The following CD28 variants were observed in gnomAD, a reference collection of about 807,000 sequenced individuals.
The protein encoded by CD28 is CD28 molecule, also known as T-cell-specific surface glycoprotein CD28.
A neutral mutation model predicts 21.4 loss-of-function variants in CD28; 8 were observed. That is an observed-to-expected ratio of 0.37 (90% CI 0.22 to 0.68). The LOEUF (loss-of-function observed/expected upper bound fraction) is 0.68. Ranked by LOEUF, CD28 falls within the 30% of genes least tolerant of loss-of-function variation. CD28 has a pLI of 0.55. For synonymous variants in CD28, 106 were observed against 104.0 expected (o/e 1.02, Z -0.12); for missense variants, 239 against 272.2 (o/e 0.88, Z 0.86).
intron 2 of CD28, among the ~76,000 whole-genome samples, chr2:203,727,471 C>CTTTTCT (rs1463109241): frequency 2.8e-5 from 3 of 108,484 alleles, no homozygotes; most frequent in African/African-American, 6.3e-5. Flanking sequence ...CCTTCCTTTT[C>CTTTTCT]TTTTCTTTTT....
At position 203,726,671 on chromosome 2, in the gene CD28, G is replaced by A. The variant is rs1386535030; in HGVS notation, c.91G>A (p.Ala31Thr). 1 of 1,613,940 alleles carries A rather than the reference G, an allele frequency of 6.2e-7. No homozygotes were observed. Reference protein sequence around the residue: ...ILVKQSPMLVAYDNAVNLSCK... With the variant: ...ILVKQSPMLVTYDNAVNLSCK... ...GGTGAAGCAGTCGCCCATGCTTGTA[G>A]CGTACGACAATGCGGTCAACCTTAG... The change falls in exon 2 of 4, where the codon GCG becomes ACG. Residue 31 changes from alanine (A) to threonine (T), a missense_variant. Transcript: ENST00000324106.
At chr2:203,707,037 T>C (rs1693176027) in intron 1 of CD28, among the ~76,000 whole-genome samples, 1 of 152,004 alleles carries the variant, frequency 6.6e-6, no homozygotes. Context: ...TGAGATGGGG[T>C]TTCACTATGT....
intron 3 of CD28, 107 bp downstream of exon 3, chr2:203,729,879 A>G: frequency 8.7e-7 from 1 of 1,152,582 alleles, no homozygotes; most frequent in Middle Eastern, 2.1e-4. Context: ...ATATAGGATG[A>G]TGATTTTCTT....
At chr2:203,721,048 A>G (rs188395723) in intron 1 of CD28, among the ~76,000 whole-genome samples, 2 of 152,296 alleles carry the variant, frequency 1.3e-5, no homozygotes, top group Non-Finnish European at 2.9e-5. Context: ...GAGAAACGAG[A>G]TTTTATCAGC....
At position 203,729,884 on chromosome 2, in the gene CD28, T is replaced by C. The variant is rs1469739799; in HGVS notation, c.534+112T>C. Reference sequence around the variant, plus strand: ...TTTCTGTTTAATATAGGATGATGATTTTCTTTTCCCCATGCTTGAGTAGGT... The same window carrying C: ...TTTCTGTTTAATATAGGATGATGATCTTCTTTTCCCCATGCTTGAGTAGGT... On this transcript the variant is annotated intron_variant, in intron 3 of 3. Transcript: ENST00000324106. 30 of 1,109,250 alleles carry C rather than the reference T, an allele frequency of 2.7e-5. No homozygotes were observed. The East Asian group carries it at 5.8e-4, about 22-fold the overall frequency. The allele number at this position is 1,109,250 out of a possible 1,614,324, so 68.7% of individuals were successfully genotyped here. A position where few individuals can be genotyped will look rare whatever the true frequency, so the allele number is the denominator to read the frequency against.
intron 1 of CD28, among the ~76,000 whole-genome samples, chr2:203,707,794 T>C (rs541135496): frequency 6.6e-6 from 1 of 152,300 alleles, no homozygotes; most frequent in South Asian, 2.1e-4. Context: ...CCAGTGCCGG[T>C]GTTGTTGATT....
intron 1 of CD28, among the ~76,000 whole-genome samples, chr2:203,707,998 G>A (rs546750610): frequency 6.6e-6 from 1 of 152,218 alleles, no homozygotes; most frequent in East Asian, 1.9e-4. Context: ...TTCAAAAACT[G>A]GACTGATAGG....
chr2:203,729,547 T>C (rs1693834277), intron 2 of CD28, 101 bp from the exon 3 acceptor site: 3 of 1,231,504 alleles, frequency 2.4e-6, no homozygotes, highest in African/African-American at 3.0e-5. Context: ...ATATGTTTAA[T>C]ATTTTTATTT....
chr2:203,726,934 T>C lies in CD28; in HGVS notation c.354T>C (p.Tyr118=). ...ACTTCTGCAAAATTGAAGTTATGTA[T>C]CCTCCTCCTTACCTAGACAATGAGA... ...DIYFCKIEVM[Y]PPPYLDNEKS... The change falls in exon 2 of 4, where the codon TAT becomes TAC. Residue 118 remains tyrosine (Y), a synonymous_variant. Transcript: ENST00000324106. The C allele has an allele frequency of 1.2e-6, 2 of 1,612,566 alleles. No homozygotes were observed. Among genetic ancestry groups the C allele is most frequent in the Non-Finnish European group, 8.5e-7 (1 of 1,178,560 alleles).
chr2:203,716,955 C>A (rs1487292633), intron 1 of CD28, among the ~76,000 whole-genome samples: 1 of 152,116 alleles, frequency 6.6e-6, no homozygotes, highest in Non-Finnish European at 1.5e-5. Flanking sequence ...CTCAGCCTCC[C>A]AAGGAGCTGG....
chr2:203,726,616 A>ATT lies in CD28; in HGVS notation c.53-9_53-8dup. The ATT allele has an allele frequency of 6.4e-7, 1 of 1,557,972 alleles. No individual in the cohort carries two copies. Among genetic ancestry groups the ATT allele is most frequent in the Admixed American group, 1.8e-5 (1 of 56,004 alleles). On this transcript the variant is annotated splice_polypyrimidine_tract_variant and intron_variant, in intron 1 of 3. Transcript: ENST00000324106. Reference sequence around the variant, plus strand: ...CTTATATTCTTGTTCTAAGCAAATGATTTTTTTTTCCCCCAGGAAACAAGA... The same window carrying ATT: ...CTTATATTCTTGTTCTAAGCAAATGATTTTTTTTTTTCCCCCAGGAAACAAGA...
At chr2:203,729,832 T>G in intron 3 of CD28, 60 bp downstream of exon 3, 3 of 1,560,016 alleles carry the variant, frequency 1.9e-6, no homozygotes, top group Admixed American at 1.9e-5. Context: ...TCTGAACACA[T>G]TCAAGAATTT....
At chr2:203,732,607 GC>G (rs1347213863) in intron 3 of CD28, among the ~76,000 whole-genome samples, 1 of 152,100 alleles carries the variant, frequency 6.6e-6, no homozygotes, top group East Asian at 1.9e-4. Flanking sequence ...AGTGGGTAAG[GC>G]TGGCATGGGG....
chr2:203,709,982 A>G (rs993341060), intron 1 of CD28, among the ~76,000 whole-genome samples: 1 of 152,246 alleles, frequency 6.6e-6, no homozygotes, highest in Admixed American at 6.5e-5. Flanking sequence ...TTTAATAAAA[A>G]GTCATCAGCA....
In CD28 at chr2:203,726,797, T is replaced by C. The variant is rs1693765664; in HGVS notation, c.217T>C (p.Ser73Pro). The change falls in exon 2 of 4, where the codon TCC becomes CCC. Residue 73 changes from serine to proline, a missense_variant. Ser to Pro is a moderately conservative substitution (Grantham distance 74). Around this residue, in one of 3 missense-constraint regions of CD28, gnomAD observed 104 missense variants for 108.5 expected, o/e 0.96. Transcript: ENST00000324106. ...VEVCVVYGNY[S>P]QQLQVYSKTG... ...AGTCTGTGTTGTATATGGGAATTACTCCCAGCAGCTTCAGGTTTACTCAAA... is the reference window on the plus strand; with the variant it reads ...AGTCTGTGTTGTATATGGGAATTACCCCCAGCAGCTTCAGGTTTACTCAAA... 6.2e-7 allele frequency: 1 copy of C among 1,614,094 alleles called. No individual in the cohort carries two copies. Among genetic ancestry groups the C allele is most frequent in the Non-Finnish European group, 8.5e-7 (1 of 1,180,040 alleles).
intron 1 of CD28, among the ~76,000 whole-genome samples, chr2:203,710,095 C>T (rs987290417): frequency 2.0e-5 from 3 of 152,162 alleles, no homozygotes; most frequent in Non-Finnish European, 2.9e-5. Context: ...TTAAGTGTTG[C>T]TCTGAGACTG....
chr2:203,732,625 G>A (rs1375242394), intron 3 of CD28, among the ~76,000 whole-genome samples: 1 of 152,170 alleles, frequency 6.6e-6, no homozygotes, highest in Non-Finnish European at 1.5e-5. Flanking sequence ...GGGGAGAAGG[G>A]CAAAGGAGGA....
intron 1 of CD28, among the ~76,000 whole-genome samples, chr2:203,708,957 T>C (rs1478698566): frequency 6.6e-6 from 1 of 151,956 alleles, no homozygotes; most frequent in African/African-American, 2.4e-5. Context: ...CCATCTCTAC[T>C]AAAAATACAA....
intron 1 of CD28, among the ~76,000 whole-genome samples, chr2:203,719,596 T>C (rs116820932): frequency 0.039 from 5,995 of 152,264 alleles, 164 homozygotes; most frequent in Non-Finnish European, 0.06. Flanking sequence ...ATTTCAAGGA[T>C]CACTTATGTT....
Sources: allele counts gnomAD v4.1 joint callset (sites outside exome capture counted in the v4.1 genomes callset), GRCh38; gene constraint gnomAD v4.1.1; regional missense constraint gnomAD v4.1.1; transcripts MANE v1.5; gene names NCBI Gene and HGNC (gene_info 2026-07-23, HGNC 2026-07-21).